The following ZNF536 variants were observed in gnomAD, a reference collection of about 807,000 sequenced individuals.
ZNF536 encodes zinc finger protein 536.
Under a neutral mutation model 84.5 loss-of-function variants are expected in ZNF536, and 13 were observed. The observed-to-expected ratio is 0.15, with a 90% CI of 0.10 to 0.24. The LOEUF (loss-of-function observed/expected upper bound fraction) is 0.24, where lower values mean the gene tolerates loss of function less well. ZNF536 is among the 10% of genes least tolerant of loss of function. The pLI is 1.00. For synonymous variants in ZNF536, 811 were observed against 742.5 expected (o/e 1.09, Z -1.50); for missense variants, 1,536 against 1,747.5 (o/e 0.88, Z 2.16).
chr19:30,594,541 A>G (rs1474530316), intron 1 of ZNF536, among the ~76,000 whole-genome samples: 1 of 151,848 alleles, frequency 6.6e-6, no homozygotes, highest in African/African-American at 2.4e-5. Flanking sequence ...AAATTGCTTG[A>G]CTCACCACAT....
intron 2 of ZNF536, among the ~76,000 whole-genome samples, chr19:30,488,421 A>C (rs1054062776): frequency 6.6e-6 from 1 of 152,150 alleles, no homozygotes; most frequent in African/African-American, 2.4e-5. Context: ...TTCCTGACTC[A>C]TTCCCGGAAT....
intron 1 of ZNF536, among the ~76,000 whole-genome samples, chr19:30,240,498 C>G (rs1262789901): frequency 6.6e-6 from 1 of 152,190 alleles, no homozygotes. Context: ...AGGACCTTGT[C>G]CCAGGGCAGC....
At chr19:30,309,992 A>G (rs1015738345) in intron 2 of ZNF536, among the ~76,000 whole-genome samples, 4 of 152,064 alleles carry the variant, frequency 2.6e-5, no homozygotes, top group Non-Finnish European at 5.9e-5. Flanking sequence ...CGTGGCGTGG[A>G]ATGAATGCAG....
intron 3 of ZNF536, among the ~76,000 whole-genome samples, chr19:30,539,632 G>T (rs1375315972): frequency 6.6e-6 from 1 of 152,160 alleles, no homozygotes; most frequent in Non-Finnish European, 1.5e-5. Context: ...TTTCAGGATT[G>T]GTCTCCATGC....
chr19:30,292,664 C>A (rs531057849), intron 2 of ZNF536, among the ~76,000 whole-genome samples: 7 of 151,050 alleles, frequency 4.6e-5, no homozygotes, highest in Admixed American at 4.0e-4. Flanking sequence ...GAGGTCAGGT[C>A]CTAGTTGAGA....
chr19:30,472,806 A>G (rs2053690308), intron 2 of ZNF536, among the ~76,000 whole-genome samples: 1 of 152,122 alleles, frequency 6.6e-6, no homozygotes, highest in South Asian at 2.1e-4. Context: ...AGTTTCTGGA[A>G]TGGTCTATGT....
intron 2 of ZNF536, among the ~76,000 whole-genome samples, chr19:30,329,720 G>A (rs1452053782): frequency 2.0e-5 from 3 of 152,160 alleles, no homozygotes; most frequent in Admixed American, 1.3e-4. Flanking sequence ...GTGGTGCTAT[G>A]TGTTCTTAAG....
chr19:30,289,138 C>T (rs1004065575), intron 2 of ZNF536, among the ~76,000 whole-genome samples: 8 of 152,094 alleles, frequency 5.3e-5, no homozygotes, highest in South Asian at 2.1e-4. Flanking sequence ...GAGATGGATG[C>T]CACGTGGTCA....
chr19:30,437,136 T>C (rs1471351498), intron 1 of ZNF536, among the ~76,000 whole-genome samples: 2 of 152,212 alleles, frequency 1.3e-5, no homozygotes, highest in Non-Finnish European at 2.9e-5. Flanking sequence ...CTATATTTTT[T>C]TGGACTATTC....
At chr19:30,355,633 G>T (rs934135385) in intron 3 of ZNF536, among the ~76,000 whole-genome samples, 1 of 151,958 alleles carries the variant, frequency 6.6e-6, no homozygotes, top group Admixed American at 6.5e-5. Flanking sequence ...TAAACCAGGG[G>T]TCCCCAGCCT....
chr19:30,659,240 G>C (rs1455906683), intron 1 of ZNF536, among the ~76,000 whole-genome samples: 2 of 151,018 alleles, frequency 1.3e-5, no homozygotes, highest in Non-Finnish European at 3.0e-5. Context: ...AAGAAACTTA[G>C]TCATGGTGGA....
At chr19:30,263,708 G>C (rs1170068425) in intron 1 of ZNF536, among the ~76,000 whole-genome samples, 3 of 152,160 alleles carry the variant, frequency 2.0e-5, no homozygotes, top group Non-Finnish European at 4.4e-5. Context: ...GTTAAGTTGT[G>C]TGTGTGCACG....
intron 1 of ZNF536, among the ~76,000 whole-genome samples, chr19:30,681,460 G>C (rs868014839): frequency 6.6e-6 from 1 of 152,108 alleles, no homozygotes. Context: ...GTAGGAAATA[G>C]GGGCGTGCCC....
intron 2 of ZNF536, among the ~76,000 whole-genome samples, chr19:30,321,544 C>A (rs905244041): frequency 6.6e-6 from 1 of 151,868 alleles, no homozygotes. Flanking sequence ...GATGACAGAG[C>A]GAGACTCTGT....
intron 1 of ZNF536, among the ~76,000 whole-genome samples, chr19:30,616,780 C>T (rs967838728): frequency 2.0e-5 from 3 of 152,134 alleles, no homozygotes; most frequent in Non-Finnish European, 4.4e-5. Context: ...ACACCAGGGC[C>T]TGGTGCATTT....
chr19:30,516,781 C>T (rs77790144), intron 2 of ZNF536, among the ~76,000 whole-genome samples: 2,912 of 152,238 alleles, frequency 0.019, 54 homozygotes, highest in Admixed American at 0.029. Flanking sequence ...CGGAGTGTGC[C>T]GGGAGGCCAG....
At chr19:30,558,648 G>A (rs149931183), downstream of ZNF536, among the ~76,000 whole-genome samples, 192 of 152,308 alleles carry the variant, frequency 1.3e-3, 1 homozygote, top group African/African-American at 4.5e-3. Context: ...CCTCCTGGTG[G>A]GGAGAGAGGT....
At chr19:30,493,089 CTTTTTT>C (rs201787656) in intron 2 of ZNF536, among the ~76,000 whole-genome samples, 3 of 71,576 alleles carry the variant, frequency 4.2e-5, no homozygotes, top group Non-Finnish European at 7.3e-5. Flanking sequence ...ATATTACTCA[CTTTTTT>C]TTTTTTTTTT....
At chr19:30,402,796 A>ATATATATATAT (rs1555744993) in intron 1 of ZNF536, among the ~76,000 whole-genome samples, 3,383 of 85,352 alleles carry the variant, frequency 0.04, 307 homozygotes, top group Middle Eastern at 0.053. Context: ...AAAATTAAAA[A>ATATATATATAT]ATATATATAT....
Sources: allele counts gnomAD v4.1 joint callset (sites outside exome capture counted in the v4.1 genomes callset), GRCh38; gene constraint gnomAD v4.1.1; transcripts MANE v1.5; gene names NCBI Gene and HGNC (gene_info 2026-07-23, HGNC 2026-07-21).